MACROD2: variants seen among roughly 807,000 people sequenced by gnomAD.
The protein encoded by MACROD2 is mono-ADP ribosylhydrolase 2, also known as ADP-ribose glycohydrolase MACROD2.
MACROD2 carries 36 observed loss-of-function variants against 70.4 expected under a neutral mutation model. The ratio of observed to expected loss-of-function variants is 0.51; its 90% CI spans 0.39 to 0.68. MACROD2 has a LOEUF of 0.68. MACROD2 is among the 30% of genes least tolerant of loss of function. MACROD2 has a pLI of 0.00. For missense variants in MACROD2, 496 were observed against 538.4 expected (o/e 0.92, Z 0.78); for synonymous variants, 172 against 178.8 (o/e 0.96, Z 0.30).
At chr20:15,708,660 G>T (rs1046888838) in intron 8 of MACROD2, among the ~76,000 whole-genome samples, 6 of 141,086 alleles carry the variant, frequency 4.3e-5, no homozygotes, top group African/African-American at 1.2e-4. Flanking sequence ...ATTGCTTAAG[G>T]CCAGGAGTTC....
At chr20:15,083,072 A>G (rs409830) in intron 5 of MACROD2, among the ~76,000 whole-genome samples, 96,297 of 152,000 alleles carry the variant, frequency 0.63, 30,803 homozygotes, top group East Asian at 0.73. Flanking sequence ...GTTATTTTAA[A>G]CATTTCATTA....
intron 7 of MACROD2, among the ~76,000 whole-genome samples, chr20:15,489,600 C>T (rs2047202512): frequency 6.6e-6 from 1 of 152,222 alleles, no homozygotes; most frequent in Admixed American, 6.5e-5. Context: ...GGTAGCACAT[C>T]TAATTCCATG....
In MACROD2 at chr20:14,857,403, C is replaced by T. The variant is rs1183926811; in HGVS notation, c.418+172444C>T. Among the ~76,000 whole-genome samples the T allele has an allele frequency of 5.3e-5, 8 of 152,304 alleles. No homozygotes were observed. In the South Asian group the frequency reaches 1.5e-3, roughly 28 times the overall value. ...GCTGTTGGAATTGTTCTCATGTATGCTGGGAGATATTTTTTAGCTTCCTTA... is the reference window on the plus strand; with the variant it reads ...GCTGTTGGAATTGTTCTCATGTATGTTGGGAGATATTTTTTAGCTTCCTTA... On this transcript the variant is annotated intron_variant, in intron 5 of 17. Coordinates refer to ENST00000684519, the MANE Select transcript of MACROD2 (RefSeq NM_001351661.2).
chr20:15,783,776 G>A (rs1203282382), intron 8 of MACROD2, among the ~76,000 whole-genome samples: 1 of 152,070 alleles, frequency 6.6e-6, no homozygotes. Context: ...CTCTTTCCCC[G>A]TAGCCAGACC....
chr20:15,433,577 A>G (rs918724503), intron 7 of MACROD2, among the ~76,000 whole-genome samples: 7 of 152,052 alleles, frequency 4.6e-5, no homozygotes, highest in African/African-American at 1.7e-4. Context: ...TGACACAAAC[A>G]AATGGAAATA....
intron 5 of MACROD2, among the ~76,000 whole-genome samples, chr20:15,174,412 A>G (rs926670754): frequency 2.0e-5 from 3 of 152,228 alleles, no homozygotes; most frequent in African/African-American, 7.2e-5. Context: ...ATTGTTGGAC[A>G]TTTGGGTTGG....
chr20:15,805,662 G>A (rs1194951109), intron 8 of MACROD2, among the ~76,000 whole-genome samples: 1 of 152,136 alleles, frequency 6.6e-6, no homozygotes, highest in Admixed American at 6.5e-5. Flanking sequence ...ATTTAGTAGA[G>A]ACGGGGTTTC....
At chr20:15,523,805 T>C (rs1205540325) in intron 8 of MACROD2, among the ~76,000 whole-genome samples, 2 of 152,218 alleles carry the variant, frequency 1.3e-5, no homozygotes, top group African/African-American at 2.4e-5. Context: ...CCATGATCGA[T>C]GGACAGTCTG....
rs1418929715 is a variant in MACROD2, at chr20:14,493,622, A to G, written c.301+114A>G. ...AAAATTAATTTTGCTGTAGTCATCA[A>G]TTACAAAAATGTTAATCTTTCAAAA... On this transcript the variant is annotated intron_variant, in intron 4 of 17. Coordinates refer to ENST00000684519, the MANE Select transcript of MACROD2 (RefSeq NM_001351661.2). 5.1e-6 allele frequency: 4 copies of G among 784,074 alleles called. No homozygotes were observed. The African/African-American group carries it at 7.0e-5, about 14-fold the overall frequency. The allele number at this position is 784,074 out of a possible 1,614,324, so 48.6% of individuals were successfully genotyped here.
intron 4 of MACROD2, among the ~76,000 whole-genome samples, chr20:14,672,079 G>A (rs1487656935): frequency 6.6e-6 from 1 of 152,174 alleles, no homozygotes; most frequent in African/African-American, 2.4e-5. Context: ...TGATGATGAT[G>A]AATATCTGTG....
intron 5 of MACROD2, among the ~76,000 whole-genome samples, chr20:14,863,846 C>G (rs1433371025): frequency 6.6e-6 from 1 of 152,044 alleles, no homozygotes; most frequent in Non-Finnish European, 1.5e-5. Context: ...AGCGGCCAAG[C>G]CAGGATTCAG....
At chr20:14,123,609 A>G (rs2054611131) in intron 3 of MACROD2, among the ~76,000 whole-genome samples, 1 of 152,190 alleles carries the variant, frequency 6.6e-6, no homozygotes, top group South Asian at 2.1e-4. Flanking sequence ...GAAGCCTTCT[A>G]AAATAGTGGG....
chr20:15,668,947 T>C (rs1414994945), intron 8 of MACROD2, among the ~76,000 whole-genome samples: 2 of 152,186 alleles, frequency 1.3e-5, no homozygotes, highest in Non-Finnish European at 2.9e-5. Flanking sequence ...GAAGGTGTAT[T>C]TGAGTGGAGC....
At chr20:15,925,932 A>G (rs538100825) in intron 10 of MACROD2, among the ~76,000 whole-genome samples, 1 of 152,340 alleles carries the variant, frequency 6.6e-6, no homozygotes, top group South Asian at 2.1e-4. Flanking sequence ...TTAATGGGGC[A>G]TGGATGCAGC....
At chr20:15,646,998 C>T (rs2049557938) in intron 8 of MACROD2, among the ~76,000 whole-genome samples, 5 of 152,224 alleles carry the variant, frequency 3.3e-5, no homozygotes. Flanking sequence ...GTGTCCTTCA[C>T]CTGACCATAT....
intron 15 of MACROD2, among the ~76,000 whole-genome samples, chr20:15,995,494 C>T (rs866229978): frequency 6.6e-5 from 10 of 151,138 alleles, no homozygotes; most frequent in African/African-American, 1.7e-4. Flanking sequence ...GGACTACAGG[C>T]GCCCGCCACC....
chr20:15,905,968 G>A (rs998688825), intron 10 of MACROD2, among the ~76,000 whole-genome samples: 21 of 152,154 alleles, frequency 1.4e-4, no homozygotes, highest in East Asian at 5.8e-4. Flanking sequence ...TGTATTCTCC[G>A]TAGACAGAAA....
At chr20:15,729,264 T>C (rs776388117) in intron 8 of MACROD2, among the ~76,000 whole-genome samples, 1 of 152,206 alleles carries the variant, frequency 6.6e-6, no homozygotes, top group Non-Finnish European at 1.5e-5. Context: ...TTTGGTATGA[T>C]TTTAATTTTC....
intron 5 of MACROD2, among the ~76,000 whole-genome samples, chr20:14,838,552 G>C (rs1419114333): frequency 1.3e-5 from 2 of 152,030 alleles, no homozygotes; most frequent in Non-Finnish European, 2.9e-5. Context: ...ACCACAGATA[G>C]AATATTGTTT....
Sources: allele counts gnomAD v4.1 joint callset (sites outside exome capture counted in the v4.1 genomes callset), GRCh38; gene constraint gnomAD v4.1.1; transcripts MANE v1.5; gene names NCBI Gene and HGNC (gene_info 2026-07-23, HGNC 2026-07-21).